MTERF3: variants seen among roughly 807,000 people sequenced by gnomAD.
MTERF3 encodes transcription termination factor 3, mitochondrial.
A neutral mutation model predicts 40.5 loss-of-function variants in MTERF3; 40 were observed. The ratio of observed to expected loss-of-function variants is 0.99; its 90% CI spans 0.77 to 1.29. MTERF3 has a LOEUF of 1.29. Among genes scored for constraint, MTERF3 ranks in the 50% most tolerant of loss-of-function variants. MTERF3 has a pLI of 0.00. For synonymous variants in MTERF3, 158 were observed against 166.6 expected (o/e 0.95, Z 0.40); for missense variants, 452 against 478.2 (o/e 0.95, Z 0.51).
Position 96,251,054 on chromosome 8 carries a change from T to C in MTERF3, c.529A>G (p.Asn177Asp). The C allele has an allele frequency of 6.3e-7, 1 of 1,593,332 alleles. No homozygotes were observed. Among genetic ancestry groups the C allele is most frequent in the African/African-American group, 1.4e-5 (1 of 73,256 alleles). Residue 177 changes from asparagine to aspartate, a missense_variant, in exon 4 of 8, where the codon AAC (asparagine) becomes GAC (aspartate). Physicochemically the swap from Asn to Asp is conservative, Grantham distance 23 (BLOSUM62 1). Transcript: ENST00000287025. ...TCAAAATCCAGTCTCAGAAGGAGGT[T>C]TGCTGCTTCTGGATGTTTTTCTATC... is the stretch of plus-strand genomic sequence containing the variant. ...SKIEKHPEAA[N>D]LLLRLDFEKD... is the part of the protein sequence containing the mutation.
intron 4 of MTERF3, among the ~76,000 whole-genome samples, chr8:96,250,329 G>GTT (rs35632317): frequency 1.4e-5 from 2 of 138,852 alleles, no homozygotes; most frequent in African/African-American, 2.6e-5. Context: ...TTGTTGATGG[G>GTT]TTTTTTTTTT....
chr8:96,242,040 CGTAA>C (rs1394875731), intron 7 of MTERF3, among the ~76,000 whole-genome samples: 1 of 152,104 alleles, frequency 6.6e-6, no homozygotes, highest in Non-Finnish European at 1.5e-5. Flanking sequence ...TTTAATTAAT[CGTAA>C]GTCAGATCTG....
chr8:96,240,511 C>T (rs1372115982), intron 7 of MTERF3, among the ~76,000 whole-genome samples: 1 of 152,194 alleles, frequency 6.6e-6, no homozygotes, highest in African/African-American at 2.4e-5. Flanking sequence ...AATCTGACCT[C>T]TGGGAGAGCA....
intron 2 of MTERF3, chr8:96,257,353 C>T (rs952394524): frequency 5.7e-6 from 2 of 351,004 alleles, no homozygotes; most frequent in African/African-American, 2.1e-5. Flanking sequence ...GCACACAATG[C>T]CTTTCCTTCA....
In MTERF3 at chr8:96,246,291, C is replaced by T; in HGVS notation, c.825+16G>A. The T allele has an allele frequency of 1.9e-6, 3 of 1,580,122 alleles. No homozygotes were observed. Among genetic ancestry groups the T allele is most frequent in the Non-Finnish European group, 2.6e-6 (3 of 1,169,200 alleles). Reference sequence around the variant, plus strand: ...TACCTGACATGGAAATAAACAAATTCTCTCCTTTTCTTTACCTTCTTCACA... The same window carrying T: ...TACCTGACATGGAAATAAACAAATTTTCTCCTTTTCTTTACCTTCTTCACA... On this transcript the variant is annotated intron_variant, in intron 5 of 7. Transcript: ENST00000287025.
At chr8:96,250,578 G>T (rs1035221552) in intron 4 of MTERF3, among the ~76,000 whole-genome samples, 2 of 140,382 alleles carry the variant, frequency 1.4e-5, no homozygotes, top group African/African-American at 5.3e-5. Context: ...AGGCATGGTG[G>T]CCACCTGTAG....
chr8:96,253,370 G>A (rs994052733), intron 3 of MTERF3, among the ~76,000 whole-genome samples: 1 of 152,112 alleles, frequency 6.6e-6, no homozygotes, highest in African/African-American at 2.4e-5. Flanking sequence ...ACCCAAAGAA[G>A]GGAAGGAACG....
intron 4 of MTERF3, among the ~76,000 whole-genome samples, chr8:96,250,099 C>A (rs778103547): frequency 4.6e-5 from 7 of 152,026 alleles, no homozygotes; most frequent in Non-Finnish European, 7.4e-5. Flanking sequence ...TTCAATAATT[C>A]TTTGAATGTT....
chr8:96,240,069 A>G (rs896502643), intron 7 of MTERF3, among the ~76,000 whole-genome samples: 1 of 152,104 alleles, frequency 6.6e-6, no homozygotes, highest in Admixed American at 6.5e-5. Flanking sequence ...CCAACATGGC[A>G]AAACCCTGTC....
rs150071336 is a variant in MTERF3, at chr8:96,258,435, T to G, written c.256A>C (p.Ser86Arg). ...SSQENNSAQS[S>R]LLPSMNEQSQ... ...TGTTCATTCATGGAAGGAAGCAGAC[T>G]GCTTTGGGCAGAATTATTCTCCTGA... is the stretch of plus-strand genomic sequence containing the variant. The change falls in exon 2 of 8, where the codon AGT becomes CGT. Residue 86 changes from serine to arginine, a missense_variant. Coordinates refer to ENST00000287025, the MANE Select transcript of MTERF3 (RefSeq NM_015942.5). 1.9e-4 allele frequency: 304 copies of G among 1,614,042 alleles called. No individual in the cohort carries two copies. The highest frequency in any genetic ancestry group is 2.5e-4 in the Non-Finnish European group (291 of 1,179,992).
Position 96,239,426 on chromosome 8 carries a change from A to C in MTERF3, c.*65T>G. 1 of 1,255,934 alleles carries C rather than the reference A, an allele frequency of 8.0e-7. No homozygotes were observed. The highest frequency in any genetic ancestry group is 1.1e-6 in the Non-Finnish European group (1 of 927,420). 77.8% of individuals were successfully genotyped at this position (1,255,934 alleles called of 1,614,324 possible). A position where few individuals can be genotyped will look rare whatever the true frequency, so the allele number is the denominator to read the frequency against. On this transcript the variant is annotated 3_prime_UTR_variant, in exon 8 of 8. Coordinates refer to ENST00000287025, the MANE Select transcript of MTERF3 (RefSeq NM_015942.5). Reference sequence around the variant, plus strand: ...ATCAGTTGAGACCCGAGGCATTTAAAAATATATTCATTTATTCATATATAT... The same window carrying C: ...ATCAGTTGAGACCCGAGGCATTTAACAATATATTCATTTATTCATATATAT...
intron 3 of MTERF3, among the ~76,000 whole-genome samples, chr8:96,252,603 C>T (rs1810206486): frequency 6.6e-6 from 1 of 152,240 alleles, no homozygotes; most frequent in East Asian, 1.9e-4. Flanking sequence ...CTTTTGACAA[C>T]CGGATGTAAT....
At position 96,259,355 on chromosome 8, in the gene MTERF3, T is replaced by C. The variant is rs910706901; in HGVS notation, c.-10-655A>G. On this transcript the variant is annotated intron_variant, in intron 1 of 7. Coordinates refer to ENST00000287025, the MANE Select transcript of MTERF3 (RefSeq NM_015942.5). ...ATTGAACAAAACCAGTTTTGTCAAGTTTTGTTTCACTGTAGGAAAGGAGAA... is the reference window on the plus strand; with the variant it reads ...ATTGAACAAAACCAGTTTTGTCAAGCTTTGTTTCACTGTAGGAAAGGAGAA... 3.9e-5 allele frequency among the ~76,000 whole-genome samples: 6 copies of C among 152,054 alleles called. No individual in the cohort carries two copies. The South Asian group carries it at 1.2e-3, about 32-fold the overall frequency.
chr8:96,253,211 G>A (rs949635126), intron 3 of MTERF3, among the ~76,000 whole-genome samples: 2 of 152,088 alleles, frequency 1.3e-5, no homozygotes, highest in African/African-American at 2.4e-5. Flanking sequence ...TCTATACAGC[G>A]GTGTGAGCAG....
intron 4 of MTERF3, 79 bp downstream of exon 4, chr8:96,250,827 G>C (rs1290550808): frequency 5.1e-6 from 7 of 1,369,248 alleles, no homozygotes; most frequent in Non-Finnish European, 7.1e-6. Flanking sequence ...GTGCAGCAGA[G>C]ATTTAAAGAA....
At position 96,250,963 on chromosome 8, in the gene MTERF3, G is replaced by T. The variant is rs1200927452; in HGVS notation, c.620C>A (p.Ala207Glu). ...AATTGCATGATTTTTTGTCAGGAAT[G>T]CTCCCAGTTGGTTATCCTCTATACC... ...DVGIEDNQLGAFLTKNHAIFS... is the reference protein window; with the variant it reads ...DVGIEDNQLGEFLTKNHAIFS... The change falls in exon 4 of 8, where the codon GCA becomes GAA. Residue 207 changes from alanine to glutamate, a missense_variant. Ala to Glu is a moderately radical substitution (Grantham distance 107, BLOSUM62 -1). Coordinates refer to ENST00000287025, the MANE Select transcript of MTERF3 (RefSeq NM_015942.5). 2 of 1,607,960 alleles carry T rather than the reference G, an allele frequency of 1.2e-6. No individual in the cohort carries two copies. The highest frequency in any genetic ancestry group is 4.5e-5 in the East Asian group (2 of 44,608).
At chr8:96,253,157 C>T (rs547892626) in intron 3 of MTERF3, among the ~76,000 whole-genome samples, 1 of 152,252 alleles carries the variant, frequency 6.6e-6, no homozygotes, top group East Asian at 1.9e-4. Context: ...GGCTATACAA[C>T]GTGCCCTGGA....
chr8:96,260,795 T>G (rs1053552038), intron 1 of MTERF3, among the ~76,000 whole-genome samples: 7 of 152,272 alleles, frequency 4.6e-5, no homozygotes, highest in Non-Finnish European at 1.0e-4. Flanking sequence ...TAACTGTTCA[T>G]GCACGAGAGC....
intron 1 of MTERF3, among the ~76,000 whole-genome samples, chr8:96,259,040 G>A (rs376593542): frequency 6.6e-6 from 1 of 152,338 alleles, no homozygotes; most frequent in African/African-American, 2.4e-5. Context: ...TCACTAATCT[G>A]TTAATTTAAT....
Sources: allele counts gnomAD v4.1 joint callset (sites outside exome capture counted in the v4.1 genomes callset), GRCh38; gene constraint gnomAD v4.1.1; transcripts MANE v1.5; gene names NCBI Gene and HGNC (gene_info 2026-07-23, HGNC 2026-07-21).